Variants in A2ML1 observed in about 807,000 individuals in gnomAD.
A2ML1 encodes the protein alpha-2-macroglobulin-like protein 1.
In A2ML1, 161 loss-of-function variants were observed where a neutral mutation model predicts 181.9. The ratio of observed to expected loss-of-function variants is 0.89; its 90% confidence interval spans 0.78 to 1.01. The LOEUF is 1.01. A2ML1 is among the 50% of genes least tolerant of loss of function. The pLI is 0.00. For missense variants in A2ML1, 1,670 were observed against 1,768.1 expected (o/e 0.94, Z 1.00); for synonymous variants, 663 against 666.8 (o/e 0.99, Z 0.09).
Position 8,847,569 on chromosome 12 carries a change from C to A in A2ML1, c.1704C>A (p.Pro568=), listed in dbSNP as rs780752277. 3 of 1,611,996 alleles carry A rather than the reference C, an allele frequency of 1.9e-6. No homozygotes were observed. The highest frequency in any genetic ancestry group is 1.7e-5 in the Admixed American group (1 of 59,618). ...FDNQVSLGFS[P]SQQLPGAEVE... ...CCCAGGTTTCCCTTGGCTTCTCCCCCTCCCAGCAGCTTCCAGGAGCAGAAG... is the reference window on the plus strand; with the variant it reads ...CCCAGGTTTCCCTTGGCTTCTCCCCATCCCAGCAGCTTCCAGGAGCAGAAG... The change falls in exon 15 of 36, where the codon CCC becomes CCA. Residue 568 remains proline, a synonymous_variant. Coordinates refer to ENST00000299698, the MANE Select transcript of A2ML1 (RefSeq NM_144670.6).
At chr12:8,850,580 C>T (rs1170454077) in intron 18 of A2ML1, among the ~76,000 whole-genome samples, 2 of 151,944 alleles carry the variant, frequency 1.3e-5, no homozygotes, top group Non-Finnish European at 2.9e-5. Context: ...TCAAAATCAA[C>T]AACGACAACG....
chr12:8,866,043 T>C (rs10771137), intron 29 of A2ML1, among the ~76,000 whole-genome samples: 60,229 of 151,724 alleles, frequency 0.4, 12,690 homozygotes, highest in East Asian at 0.8. Context: ...TTAGGCCAGG[T>C]GTGGTGGCTC....
chr12:8,830,413 T>A (rs1592104315), intron 4 of A2ML1, among the ~76,000 whole-genome samples: 1 of 9,084 alleles, frequency 1.1e-4, no homozygotes, highest in Non-Finnish European at 4.3e-4. Context: ...GACAAAAGCA[T>A]TTTTTTTTTT....
At chr12:8,835,733 G>T (rs1943249900) in intron 6 of A2ML1, 67 bp downstream of exon 6, 2 of 1,591,262 alleles carry the variant, frequency 1.3e-6, no homozygotes, top group South Asian at 2.3e-5. Flanking sequence ...CAAAGGTGGA[G>T]CCGGGCGCAG....
At chr12:8,845,722 C>G (rs1232194570) in intron 13 of A2ML1, among the ~76,000 whole-genome samples, 1 of 151,806 alleles carries the variant, frequency 6.6e-6, no homozygotes, top group Non-Finnish European at 1.5e-5. Flanking sequence ...TCGGGGCGGG[C>G]CCCTGTAGTC....
At chr12:8,833,703 GTGTT>G (rs1348401582) in intron 4 of A2ML1, among the ~76,000 whole-genome samples, 1 of 152,208 alleles carries the variant, frequency 6.6e-6, no homozygotes, top group Admixed American at 6.5e-5. Context: ...GCCTAAAGAA[GTGTT>G]TGTTTGTTTT....
chr12:8,849,393 C>T (rs11047578), intron 16 of A2ML1, among the ~76,000 whole-genome samples: 3 of 152,014 alleles, frequency 2.0e-5, no homozygotes, highest in African/African-American at 7.3e-5. Context: ...AGCATGTTTA[C>T]AGCGTAAGTC....
Position 8,829,769 on chromosome 12 carries a change from T to G in A2ML1, c.452T>G (p.Val151Gly). The G allele has an allele frequency of 6.2e-7, 1 of 1,613,522 alleles. No individual in the cohort carries two copies. The highest frequency in any genetic ancestry group is 8.5e-7 in the Non-Finnish European group (1 of 1,179,918). ...IVTMDSNFVP[V>G]NDKYSMVELQ... The stretch of plus-strand genomic sequence containing the variant: ...ACCATGGATAGCAACTTCGTTCCAG[T>G]GAATGACAAGGTGAGTTGGGAGGAG... The change falls in exon 4 of 36, where the codon GTG becomes GGG. Residue 151 changes from valine (V) to glycine (G), a missense_variant. Physicochemically the swap from Val to Gly is moderately radical, Grantham distance 109 (BLOSUM62 -3). Coordinates refer to ENST00000299698, the MANE Select transcript of A2ML1 (RefSeq NM_144670.6).
chr12:8,859,041 G>A (rs771217109), intron 26 of A2ML1, among the ~76,000 whole-genome samples: 1 of 152,168 alleles, frequency 6.6e-6, no homozygotes, highest in South Asian at 2.1e-4. Flanking sequence ...TGGAGACTAA[G>A]TAAATTGCCC....
intron 20 of A2ML1, among the ~76,000 whole-genome samples, 172 bp from the exon 21 acceptor site, chr12:8,853,956 T>C (rs1376787573): frequency 6.6e-6 from 1 of 152,158 alleles, no homozygotes; most frequent in Non-Finnish European, 1.5e-5. Flanking sequence ...TGGCATCACC[T>C]GGGAGCTTGT....
At chr12:8,828,409 G>A (rs1334909630) in intron 3 of A2ML1, among the ~76,000 whole-genome samples, 2 of 152,090 alleles carry the variant, frequency 1.3e-5, no homozygotes, top group East Asian at 1.9e-4. Context: ...AGTACTGCCT[G>A]GATACTTCCA....
chr12:8,869,786 C>A (rs1944558204), intron 33 of A2ML1, among the ~76,000 whole-genome samples: 1 of 152,124 alleles, frequency 6.6e-6, no homozygotes, highest in South Asian at 2.1e-4. Flanking sequence ...AGTAACTGGA[C>A]AAGCTGTTGA....
chr12:8,870,181 G>C, intron 33 of A2ML1, among the ~76,000 whole-genome samples: 1 of 151,978 alleles, frequency 6.6e-6, no homozygotes, highest in East Asian at 1.9e-4. Context: ...CCAACCCCCT[G>C]CCCACCCACC....
intron 20 of A2ML1, 120 bp from the exon 21 acceptor site, chr12:8,854,008 C>A: frequency 7.7e-7 from 1 of 1,296,572 alleles, no homozygotes; most frequent in Non-Finnish European, 1.0e-6. Flanking sequence ...TCTATGGCAG[C>A]AGAGTTTGCA....
Position 8,823,882 on chromosome 12 carries a change from G to C in A2ML1, c.409G>C (p.Val137Leu), listed in dbSNP as rs1346716951. ...ACCTCTCTACACCCCAGGGCAGCAA[G>C]GTAAGAGTCACATATTTGGGGTTCG... Reference protein sequence around the residue: ...DKPLYTPGQQVYFRIVTMDSN... With the variant: ...DKPLYTPGQQLYFRIVTMDSN... Residue 137 changes from valine (V) to leucine (L), a missense_variant and splice_region_variant, in exon 3 of 36, where the codon GTG becomes CTG. Transcript: ENST00000299698. 1.9e-6 allele frequency: 3 copies of C among 1,608,794 alleles called. No individual in the cohort carries two copies. The highest frequency in any genetic ancestry group is 1.7e-5 in the Admixed American group (1 of 59,440).
At chr12:8,823,522 C>A in intron 2 of A2ML1, 157 bp downstream of exon 2, 1 of 1,069,106 alleles carries the variant, frequency 9.4e-7, no homozygotes, top group Admixed American at 2.5e-5. Flanking sequence ...CTATAACTCA[C>A]CCACGGTTTC....
chr12:8,834,963 C>A, intron 5 of A2ML1: 1 of 479,206 alleles, frequency 2.1e-6, no homozygotes. Context: ...ATGACTTAAC[C>A]AGGCTTGGTT....
chr12:8,880,893 G>A (rs1592169208), downstream of A2ML1, among the ~76,000 whole-genome samples: 1 of 152,178 alleles, frequency 6.6e-6, no homozygotes, highest in South Asian at 2.1e-4. Context: ...ATGGAGATGA[G>A]GCTTTTTATG....
chr12:8,853,808 A>C (rs928573165), intron 20 of A2ML1, among the ~76,000 whole-genome samples: 3 of 152,214 alleles, frequency 2.0e-5, no homozygotes, highest in Non-Finnish European at 4.4e-5. Flanking sequence ...TAATCCCAGA[A>C]GAGTCATTAC....
Sources: allele counts gnomAD v4.1 joint callset (sites outside exome capture counted in the v4.1 genomes callset), GRCh38; gene constraint gnomAD v4.1.1; transcripts MANE v1.5; gene names NCBI Gene and HGNC (gene_info 2026-07-23, HGNC 2026-07-21).